The following TRIM16 variants were observed in gnomAD, a reference collection of about 807,000 sequenced individuals.
TRIM16 encodes tripartite motif-containing protein 16.
In TRIM16, 33 loss-of-function variants were observed where a neutral mutation model predicts 50.4. The observed-to-expected ratio is 0.65, with a 90% CI of 0.50 to 0.88. The LOEUF (loss-of-function observed/expected upper bound fraction) is 0.88, where lower values mean the gene tolerates loss of function less well. Among genes scored for constraint, TRIM16 ranks in the 40% least tolerant of loss-of-function variants. The pLI is 0.00. For missense variants in TRIM16, 581 were observed against 686.8 expected (o/e 0.85, Z 1.72); for synonymous variants, 229 against 270.7 (o/e 0.85, Z 1.51).
chr17:15,683,775 T>C (rs112038695), intron 1 of TRIM16: 5,500 of 152,548 alleles, frequency 0.036, 181 homozygotes, highest in South Asian at 0.15. Flanking sequence ...TCTGAAAATG[T>C]GGATAAACAG....
chr17:15,681,411 G>A (rs1311873700), intron 3 of TRIM16, among the ~76,000 whole-genome samples: 8 of 152,224 alleles, frequency 5.3e-5, no homozygotes, highest in Admixed American at 3.9e-4. Flanking sequence ...CCACCCCATC[G>A]TGAGTATTCC....
intron 6 of TRIM16, chr17:15,658,828 C>G: frequency 6.1e-6 from 6 of 985,452 alleles, no homozygotes; most frequent in Non-Finnish European, 7.2e-6. Context: ...AATGAACTTT[C>G]TGGTTTGGGG....
At chr17:15,653,979 G>A (rs1987850657) in intron 6 of TRIM16, among the ~76,000 whole-genome samples, 1 of 152,192 alleles carries the variant, frequency 6.6e-6, no homozygotes, top group Non-Finnish European at 1.5e-5. Context: ...GAATTTGGAA[G>A]GCGAATGGAA....
In TRIM16 at chr17:15,660,897, C is replaced by CAA. The variant is rs550489491; in HGVS notation, c.-337-8953_-337-8952dup. On this transcript the variant is annotated intron_variant, in intron 6 of 11. Coordinates refer to ENST00000649191, the MANE Select transcript of TRIM16 (RefSeq NM_001348119.1). ...TGGGCGACAGAGCGAGACTCCATCTCAAAAAAAAAAAAAAAAAAAAAAAAA... is the reference window on the plus strand; with the variant it reads ...TGGGCGACAGAGCGAGACTCCATCTCAAAAAAAAAAAAAAAAAAAAAAAAAAA... Among the ~76,000 whole-genome samples, 217 of 59,904 alleles carry CAA rather than the reference C, an allele frequency of 3.6e-3. 2 individuals carry two copies. Among genetic ancestry groups the CAA allele is most frequent in the Middle Eastern group, 9.4e-3 (1 of 106 alleles). 39.3% of individuals were successfully genotyped at this position (59,904 alleles called of 152,430 possible). A position where few individuals can be genotyped will look rare whatever the true frequency, so the allele number is the denominator to read the frequency against.
chr17:15,629,173 C>T lies in TRIM16; in HGVS notation c.1137G>A (p.Pro379=), dbSNP rs769860685. 8.1e-6 allele frequency: 13 copies of T among 1,611,896 alleles called. No individual in the cohort carries two copies. Among genetic ancestry groups the T allele is most frequent in the Middle Eastern group, 1.7e-4 (1 of 6,052 alleles). The change falls in exon 12 of 12, where the codon CCG becomes CCA. Residue 379 remains proline (P), a synonymous_variant. Coordinates refer to ENST00000649191, the MANE Select transcript of TRIM16 (RefSeq NM_001348119.1). The part of the protein sequence containing the change: ...LQYAYDITFD[P]DTAHKYLRLQ... ...GCCGGAGATACTTGTGTGCTGTGTC[C>T]GGGTCAAACGTGATGTCATACGCAT...
chr17:15,677,364 G>C (rs1988994218), intron 5 of TRIM16, 84 bp from the exon 6 acceptor site: 1 of 946,674 alleles, frequency 1.1e-6, no homozygotes. Flanking sequence ...TTGCATTTTA[G>C]AGAGGAGAAA....
chr17:15,653,992 G>A (rs1987852638), intron 6 of TRIM16, among the ~76,000 whole-genome samples: 1 of 152,218 alleles, frequency 6.6e-6, no homozygotes, highest in Non-Finnish European at 1.5e-5. Context: ...GAATGGAAGA[G>A]AGAGAGATTG....
intron 6 of TRIM16, chr17:15,659,002 AC>A (rs1988097278): frequency 4.8e-6 from 2 of 416,972 alleles, no homozygotes; most frequent in South Asian, 2.0e-4. Context: ...GTCTCAGAAC[AC>A]GATTGTTGTA....
chr17:15,679,679 T>C (rs1309228439), intron 4 of TRIM16, among the ~76,000 whole-genome samples: 1 of 152,222 alleles, frequency 6.6e-6, no homozygotes, highest in African/African-American at 2.4e-5. Flanking sequence ...GGCTCACGCC[T>C]GTAATCCCAG....
At chr17:15,677,872 C>T (rs140620426) in intron 4 of TRIM16, among the ~76,000 whole-genome samples, 151 bp from the exon 5 acceptor site, 7 of 152,302 alleles carry the variant, frequency 4.6e-5, no homozygotes, top group Non-Finnish European at 1.0e-4. Context: ...ACCCCTCTGA[C>T]ATAATTTGAT....
At chr17:15,661,054 A>G (rs960619718) in intron 6 of TRIM16, among the ~76,000 whole-genome samples, 5 of 152,190 alleles carry the variant, frequency 3.3e-5, no homozygotes, top group African/African-American at 1.2e-4. Flanking sequence ...AGGGCTCCCA[A>G]TATGGTCAGA....
chr17:15,660,341 G>A (rs975028436), intron 6 of TRIM16, among the ~76,000 whole-genome samples: 1 of 152,262 alleles, frequency 6.6e-6, no homozygotes, highest in African/African-American at 2.4e-5. Context: ...AGCCAAGTCC[G>A]CTAGGGATGG....
chr17:15,671,939 C>T (rs1227007938), intron 6 of TRIM16, among the ~76,000 whole-genome samples: 2 of 152,218 alleles, frequency 1.3e-5, no homozygotes, highest in Non-Finnish European at 1.5e-5. Context: ...AGAGTGATAA[C>T]GTGACAACTG....
chr17:15,634,560 G>A (rs1277995053), intron 9 of TRIM16, among the ~76,000 whole-genome samples: 3 of 146,658 alleles, frequency 2.0e-5, no homozygotes, highest in African/African-American at 5.1e-5. Context: ...GAACCCGGGA[G>A]GTGGAGCTTG....
chr17:15,630,126 TTAC>T (rs773268350), intron 11 of TRIM16, among the ~76,000 whole-genome samples: 2 of 152,114 alleles, frequency 1.3e-5, no homozygotes, highest in African/African-American at 4.8e-5. Flanking sequence ...TCTCCCTTGA[TTAC>T]TACATTTCCA....
At chr17:15,677,134 A>C in intron 6 of TRIM16, 42 bp downstream of exon 6, 4 of 982,284 alleles carry the variant, frequency 4.1e-6, no homozygotes, top group Non-Finnish European at 4.8e-6. Flanking sequence ...AGAACCCCTA[A>C]CTCTTATTTC....
chr17:15,676,585 G>A (rs1029357967), intron 6 of TRIM16, among the ~76,000 whole-genome samples: 7 of 151,168 alleles, frequency 4.6e-5, no homozygotes, highest in African/African-American at 7.3e-5. Context: ...ACAGGTGCCC[G>A]CCACCACGCC....
At chr17:15,658,957 CA>C (rs1335523851) in intron 6 of TRIM16, 9 of 780,514 alleles carry the variant, frequency 1.2e-5, no homozygotes, top group Non-Finnish European at 1.2e-5. Flanking sequence ...GTGAGACAAA[CA>C]GCAGATTACA....
At chr17:15,641,613 G>A (rs147150455) in intron 8 of TRIM16, among the ~76,000 whole-genome samples, 2 of 149,062 alleles carry the variant, frequency 1.3e-5, no homozygotes, top group African/African-American at 2.5e-5. Context: ...GGTTTATAAG[G>A]CTTTAAAGGG....
Sources: allele counts gnomAD v4.1 joint callset (sites outside exome capture counted in the v4.1 genomes callset), GRCh38; gene constraint gnomAD v4.1.1; transcripts MANE v1.5; gene names NCBI Gene and HGNC (gene_info 2026-07-23, HGNC 2026-07-21).